EP300: variants seen among roughly 807,000 people sequenced by gnomAD.
EP300 encodes EP300 lysine acetyltransferase.
In EP300, 31 loss-of-function variants were observed where a neutral mutation model predicts 264.0. The ratio of observed to expected loss-of-function variants is 0.12; its 90% confidence interval spans 0.09 to 0.16. The LOEUF (loss-of-function observed/expected upper bound fraction) is 0.16. Among genes scored for constraint, EP300 ranks in the 10% least tolerant of loss-of-function variants. The probability of loss-of-function intolerance (pLI) is 1.00; values close to 1 mark genes in which losing one functional copy is unlikely to be tolerated. For synonymous variants in EP300, 1,340 were observed against 1,045.4 expected, an observed-to-expected ratio of 1.28 and a Z score of -5.44; for missense variants, 2,766 against 3,052.9, an observed-to-expected ratio of 0.91 and a Z score of 2.21.
At chr22:41,098,120 G>T (rs374026988) in intron 1 of EP300, among the ~76,000 whole-genome samples, 2 of 151,808 alleles carry the variant, frequency 1.3e-5, no homozygotes, top group Admixed American at 6.6e-5. Context: ...TTTAGCATTA[G>T]GTATATCTCC....
Position 41,178,043 on chromosome 22 carries a change from C to G in EP300, c.6332C>G (p.Pro2111Arg), listed in dbSNP as rs1391903919. 1 of 1,614,162 alleles carries G rather than the reference C, an allele frequency of 6.2e-7. No individual in the cohort carries two copies. The highest frequency in any genetic ancestry group is 1.7e-5 in the Admixed American group (1 of 60,026). Residue 2111 changes from proline to arginine, a missense_variant, in exon 31 of 31, where the codon CCA becomes CGA. Coordinates refer to ENST00000263253, the MANE Select transcript of EP300 (RefSeq NM_001429.4). ...PGQPGMPQGQ[P>R]GLQPPTMPGQ... ...CAGCCTGGCATGCCCCAGGGGCAGC[C>G]AGGGCTACAGCCACCTACCATGCCA...
At chr22:41,119,172 ATTATTTT>A (rs1182255848) in intron 2 of EP300, among the ~76,000 whole-genome samples, 3 of 107,274 alleles carry the variant, frequency 2.8e-5, no homozygotes, top group African/African-American at 4.4e-5. Context: ...CTGGCTTATT[ATTATTTT>A]TTTTTTTTTT....
intron 14 of EP300, among the ~76,000 whole-genome samples, chr22:41,150,603 A>G (rs1263032578): frequency 6.6e-6 from 1 of 152,088 alleles, no homozygotes; most frequent in East Asian, 1.9e-4. Context: ...AAAATTGCAG[A>G]TTTGGACGGG....
Position 41,119,179 on chromosome 22 carries a change from T to TATTATTA in EP300, c.729+1358_729+1359insATTATTA, listed in dbSNP as rs373043233. On this transcript the variant is annotated intron_variant, in intron 2 of 30. Coordinates refer to ENST00000263253, the MANE Select transcript of EP300 (RefSeq NM_001429.4). ...CACCATGCCTGGCTTATTATTATTTTTTTTTTTTTTTTTTTTTTTTTTAAG... is the reference window on the plus strand; with the variant it reads ...CACCATGCCTGGCTTATTATTATTTTATTATTATTTTTTTTTTTTTTTTTTTTTTAAG... Among the ~76,000 whole-genome samples the TATTATTA allele has an allele frequency of 1.9e-3, 251 of 131,430 alleles. 1 individual carries two copies. The highest frequency in any genetic ancestry group is 6.0e-3 in the African/African-American group (209 of 34,764). The allele number at this position is 131,430 out of a possible 152,430, so 86.2% of individuals were successfully genotyped here. A position where few individuals can be genotyped will look rare whatever the true frequency, so the allele number is the denominator to read the frequency against.
intron 1 of EP300, among the ~76,000 whole-genome samples, chr22:41,112,279 C>T (rs2058796571): frequency 6.6e-6 from 1 of 151,826 alleles, no homozygotes; most frequent in South Asian, 2.1e-4. Context: ...AACCTCTGCT[C>T]CCCTGGGTTC....
intron 23 of EP300, 169 bp from the exon 24 acceptor site, chr22:41,168,280 A>AT: frequency 8.7e-6 from 6 of 688,950 alleles, no homozygotes; most frequent in Non-Finnish European, 1.3e-5. Flanking sequence ...CCCTGCACTC[A>AT]TATGACATGT....
At chr22:41,131,690 T>TA (rs1293982497) in intron 6 of EP300, 57 bp downstream of exon 6, 2 of 1,611,194 alleles carry the variant, frequency 1.2e-6, no homozygotes, top group African/African-American at 2.7e-5. Context: ...ATGACATCTA[T>TA]AAACACAGTG....
At chr22:41,150,665 G>A (rs1043964458) in intron 14 of EP300, among the ~76,000 whole-genome samples, 1 of 152,052 alleles carries the variant, frequency 6.6e-6, no homozygotes, top group African/African-American at 2.4e-5. Context: ...GTGGCAGGCA[G>A]ATCACTTGAG....
intron 1 of EP300, among the ~76,000 whole-genome samples, chr22:41,102,511 G>C (rs1350128563): frequency 6.6e-6 from 1 of 152,174 alleles, no homozygotes; most frequent in Admixed American, 6.5e-5. Context: ...TGACTGTAGA[G>C]GTGAGCAAGG....
At chr22:41,170,357 A>G in intron 26 of EP300, 49 bp from the exon 27 acceptor site, 1 of 1,568,544 alleles carries the variant, frequency 6.4e-7, no homozygotes, top group Non-Finnish European at 8.8e-7. Context: ...GTAGCCTTCT[A>G]GAATAGATTA....
At chr22:41,161,541 C>T (rs1173359151) in intron 20 of EP300, among the ~76,000 whole-genome samples, 1 of 151,980 alleles carries the variant, frequency 6.6e-6, no homozygotes. Flanking sequence ...GGCGTGAACC[C>T]GGGAGGTGGA....
chr22:41,134,139 T>G (rs2058935974), intron 6 of EP300, among the ~76,000 whole-genome samples: 1 of 151,232 alleles, frequency 6.6e-6, no homozygotes, highest in Admixed American at 6.7e-5. Flanking sequence ...TGTTTATTAC[T>G]TGGTCTGTTG....
intron 22 of EP300, among the ~76,000 whole-genome samples, chr22:41,164,563 T>C (rs1384665232): frequency 6.6e-6 from 1 of 151,876 alleles, no homozygotes; most frequent in Admixed American, 6.6e-5. Context: ...AATACAAAAA[T>C]TAGCCTGGCG....
chr22:41,160,394 C>T (rs1243120090), intron 19 of EP300: 10 of 446,420 alleles, frequency 2.2e-5, no homozygotes, highest in South Asian at 5.0e-5. Context: ...TCATGCTTGT[C>T]GTTGTCTGCA....
chr22:41,168,808 G>T lies in EP300; in HGVS notation c.4113G>T (p.Leu1371=), dbSNP rs775528306. The T allele has an allele frequency of 2.8e-5, 45 of 1,614,062 alleles. No homozygotes were observed. Among genetic ancestry groups the T allele is most frequent in the Non-Finnish European group, 3.6e-5 (42 of 1,180,048 alleles). Residue 1371 remains leucine, a synonymous_variant, in exon 25 of 31, where the codon CTG becomes CTT. Transcript: ENST00000263253. ...FAFEEIDGVD[L]CFFGMHVQEY... is the part of the protein sequence containing the mutation. ...TTGAAGAAATTGATGGTGTTGACCT[G>T]TGCTTCTTTGGCATGCATGTTCAAG...
intron 1 of EP300, among the ~76,000 whole-genome samples, chr22:41,095,328 G>C (rs1452988433): frequency 7.0e-6 from 1 of 142,666 alleles, no homozygotes; most frequent in Non-Finnish European, 1.5e-5. Flanking sequence ...TCTGCCTCCT[G>C]GGTTAAAGCA....
chr22:41,127,597 G>A lies in EP300; in HGVS notation c.1017G>A (p.Gln339=), dbSNP rs1601604791. ...ATCCAGAGAAGCGCAAGCTCATCCA[G>A]CAGCAGCTTGTTCTCCTTTTGCATG... ...TADPEKRKLI[Q]QQLVLLLHAH... Residue 339 remains glutamine (Q), a synonymous_variant, in exon 4 of 31, where the codon CAG becomes CAA. Transcript: ENST00000263253. 6.2e-7 allele frequency: 1 copy of A among 1,614,224 alleles called. No homozygotes were observed. Among genetic ancestry groups the A allele is most frequent in the Non-Finnish European group, 8.5e-7 (1 of 1,180,052 alleles).
At position 41,093,115 on chromosome 22, in the gene EP300, C is replaced by G; in HGVS notation, c.94+17C>G. 6.2e-7 allele frequency: 1 copy of G among 1,613,310 alleles called. No individual in the cohort carries two copies. The highest frequency in any genetic ancestry group is 2.2e-5 in the East Asian group (1 of 44,878). On this transcript the variant is annotated intron_variant, in intron 1 of 30. Coordinates refer to ENST00000263253, the MANE Select transcript of EP300 (RefSeq NM_001429.4). ...ATGGCACAGGTTAGTTTCGGCAGCC[C>G]CGGCCTTCCACGTTCCCTTTAATCT...
At chr22:41,159,412 C>T (rs2059095784) in intron 19 of EP300, 1 of 152,112 alleles carries the variant, frequency 6.6e-6, no homozygotes, top group Admixed American at 6.5e-5. Flanking sequence ...TTTGATTTTG[C>T]AGTGAGTAAA....
Sources: gnomAD v4.1 joint callset for allele counts (sites outside exome capture counted in the v4.1 genomes callset) on GRCh38, gnomAD v4.1.1 for gene constraint, MANE v1.5 for transcripts, NCBI Gene and HGNC (gene_info 2026-07-23, HGNC 2026-07-21) for gene names.